Variants in NDUFB8 observed in about 807,000 individuals in gnomAD.
NDUFB8 encodes the protein NADH:ubiquinone oxidoreductase subunit B8, also known as NADH dehydrogenase [ubiquinone] 1 beta subcomplex subunit 8, mitochondrial.
NDUFB8 carries 17 observed loss-of-function variants against 26.0 expected under a neutral mutation model. The ratio of observed to expected loss-of-function variants is 0.65; its 90% CI spans 0.45 to 0.98. The LOEUF (loss-of-function observed/expected upper bound fraction) is 0.98. NDUFB8 is among the 50% of genes least tolerant of loss of function. NDUFB8 has a pLI of 0.00. For synonymous variants in NDUFB8, 89 were observed against 93.1 expected (o/e 0.96, Z 0.25); for missense variants, 238 against 255.0 (o/e 0.93, Z 0.45).
chr10:100,525,615 CGTGTGTGT>C (rs56705301), intron 4 of NDUFB8, among the ~76,000 whole-genome samples: 13,488 of 99,960 alleles, frequency 0.13, 1,449 homozygotes, highest in Admixed American at 0.22. Flanking sequence ...CCACCCAAAG[CGTGTGTGT>C]GTGTGTGTGT....
At position 100,526,379 on chromosome 10, in the gene NDUFB8, A is replaced by G; in HGVS notation, c.468+20T>C. 1 of 1,567,900 alleles carries G rather than the reference A, an allele frequency of 6.4e-7. No homozygotes were observed. Among genetic ancestry groups the G allele is most frequent in the Non-Finnish European group, 8.6e-7 (1 of 1,164,358 alleles). The stretch of plus-strand genomic sequence containing the variant: ...GGGGCTAAGCAAGCGTGCCTAAGGG[A>G]GCACTTCTCGGATACTCACCACAGG... On this transcript the variant is annotated intron_variant, in intron 4 of 4. Transcript: ENST00000299166.
At chr10:100,529,554 G>A (rs1236961735) in intron 1 of NDUFB8, 48 bp from the exon 2 acceptor site, 2 of 1,600,280 alleles carry the variant, frequency 1.2e-6, no homozygotes, top group Non-Finnish European at 1.7e-6. Context: ...CTCTCCAGCC[G>A]CTCCGAAGGC....
intron 2 of NDUFB8, chr10:100,529,125 G>A (rs1377538058): frequency 1.2e-5 from 4 of 324,040 alleles, no homozygotes; most frequent in Non-Finnish European, 2.3e-5. Context: ...CTATTCGGGG[G>A]TCCTCGAGGG....
chr10:100,527,151 A>AG, intron 2 of NDUFB8, 77 bp from the exon 3 acceptor site: 2 of 1,208,206 alleles, frequency 1.7e-6, no homozygotes, highest in East Asian at 2.4e-5. Flanking sequence ...CTTATAGATG[A>AG]GAAACAAAGT....
At chr10:100,529,318 A>C (rs1589747655) in intron 2 of NDUFB8, 62 bp downstream of exon 2, 1 of 1,475,292 alleles carries the variant, frequency 6.8e-7, no homozygotes, top group Non-Finnish European at 9.0e-7. Flanking sequence ...CAGTCAAGCC[A>C]CCCAACCCAG....
chr10:100,529,646 T>A lies in NDUFB8; in HGVS notation c.85+121A>T. The A allele has an allele frequency of 7.2e-6, 11 of 1,535,248 alleles. No individual in the cohort carries two copies. In the South Asian group the frequency reaches 1.3e-4, roughly 18 times the overall value. On this transcript the variant is annotated intron_variant, in intron 1 of 4. Transcript: ENST00000299166. ...TCCTCCACCCCATTTTCTGGATATA[T>A]CAACGCCACCTCCACTCCCTACCCG...
chr10:100,525,261 C>CT lies in NDUFB8; in HGVS notation c.468+1137dup, dbSNP rs889144101. 8.2e-3 allele frequency among the ~76,000 whole-genome samples: 1,191 copies of CT among 144,400 alleles called. 16 individuals are homozygous for CT. The highest frequency in any genetic ancestry group is 0.024 in the African/African-American group (963 of 39,542). The allele number at this position is 144,400 out of a possible 152,430, so 94.7% of individuals were successfully genotyped here. ...CACCCTCCTTTTCCTTCATTGTTTTCTTTTTTTTTTTTCGAGACAGAGTCT... is the reference window on the plus strand; with the variant it reads ...CACCCTCCTTTTCCTTCATTGTTTTCTTTTTTTTTTTTTCGAGACAGAGTCT... On this transcript the variant is annotated intron_variant, in intron 4 of 4. Coordinates refer to ENST00000299166, the MANE Select transcript of NDUFB8 (RefSeq NM_005004.4).
chr10:100,526,626 G>C, intron 3 of NDUFB8, 72 bp from the exon 4 acceptor site: 4 of 1,563,610 alleles, frequency 2.6e-6, no homozygotes, highest in East Asian at 4.5e-5. Flanking sequence ...CCAGTGATTA[G>C]AGCCTGATAC....
intron 4 of NDUFB8, 46 bp from the exon 5 acceptor site, chr10:100,523,975 A>T: frequency 6.2e-7 from 1 of 1,612,604 alleles, no homozygotes; most frequent in Non-Finnish European, 8.5e-7. Context: ...TTCAGTCAAT[A>T]CCTGGCTACA....
rs549864747 is a variant in NDUFB8 at position 100,527,209 on chromosome 10, G to C, written c.213-135C>G. The C allele has an allele frequency of 1.6e-4, 110 of 681,904 alleles. 2 individuals carry two copies. Among genetic ancestry groups the C allele is most frequent in the South Asian group, 1.5e-3 (86 of 57,292 alleles). 42.2% of individuals were successfully genotyped at this position (681,904 alleles called of 1,614,324 possible). On this transcript the variant is annotated intron_variant, in intron 2 of 4. Transcript: ENST00000299166. Reference sequence around the variant, plus strand: ...AAGGACAAAGGAACTAAACCTCAAGGCAAGAGCTCAAGTTCTAGTCACTAA... The same window carrying C: ...AAGGACAAAGGAACTAAACCTCAAGCCAAGAGCTCAAGTTCTAGTCACTAA...
chr10:100,527,669 A>T (rs987046958), intron 2 of NDUFB8, among the ~76,000 whole-genome samples: 5 of 152,338 alleles, frequency 3.3e-5, no homozygotes, highest in African/African-American at 1.2e-4. Context: ...AAAAAAAGTC[A>T]CACAATCGTG....
intron 2 of NDUFB8, 132 bp downstream of exon 2, chr10:100,529,248 A>G: frequency 8.5e-6 from 2 of 235,642 alleles, no homozygotes; most frequent in South Asian, 1.8e-4. Flanking sequence ...CCCTCCACAG[A>G]GAAAAGCACC....
rs938691212 is a variant in NDUFB8, at chr10:100,524,223, A to G, written c.469-294T>C. On this transcript the variant is annotated intron_variant, in intron 4 of 4. Transcript: ENST00000299166. The surrounding 1 kb of genome is among the most constrained non-coding windows in gnomAD (Gnocchi z 4.0). ...GGAAGACAGGGAGGGAGGTAAAGAA[A>G]GAGAGAAGAGTGTGTTAGAGTCAGA... 4.1e-6 allele frequency: 5 copies of G among 1,216,358 alleles called. No individual in the cohort carries two copies. The highest frequency in any genetic ancestry group is 5.9e-6 in the Non-Finnish European group (5 of 844,222). 75.3% of individuals were successfully genotyped at this position (1,216,358 alleles called of 1,614,324 possible).
At chr10:100,528,914 G>C (rs573315336) in intron 2 of NDUFB8, 1 of 152,858 alleles carries the variant, frequency 6.5e-6, no homozygotes, top group Admixed American at 6.5e-5. Flanking sequence ...TAGTTGCTAC[G>C]ATTTCCACAG....
Position 100,523,828 on chromosome 10 carries a change from G to A in NDUFB8, c.*9C>T, listed in dbSNP as rs748599424. 9 of 1,613,072 alleles carry A rather than the reference G, an allele frequency of 5.6e-6. No individual in the cohort carries two copies. The highest frequency in any genetic ancestry group is 1.1e-5 in the South Asian group (1 of 91,018). On this transcript the variant is annotated 3_prime_UTR_variant, in exon 5 of 5. Transcript: ENST00000299166. ...CTAGTTAGAGGACCCAAAAGCCCAC[G>A]AAGCCTCCTCAGATCTCATAGTGAA...
Position 100,529,781 on chromosome 10 carries a change from A to G in NDUFB8, c.71T>C (p.Leu24Pro). 6.2e-7 allele frequency: 1 copy of G among 1,613,520 alleles called. No homozygotes were observed. Among genetic ancestry groups the G allele is most frequent in the Non-Finnish European group, 8.5e-7 (1 of 1,179,872 alleles). The change falls in exon 1 of 5, where the codon CTG becomes CCG. Residue 24 changes from leucine to proline, a missense_variant. Transcript: ENST00000299166. ...LQRASRNVMP[L>P]GARTASHMTK... ...TTCTCGCGGACCTGTCCGTGCGCCC[A>G]GCGGCATCACGTTCCGGGATGCCCT... is the stretch of plus-strand genomic sequence containing the variant.
chr10:100,527,770 G>T lies in NDUFB8; in HGVS notation c.213-696C>A, dbSNP rs964786585. ...AATGACGGACAACATACACGAAGGG[G>T]GTCCCATAAGTTTATAATAAAGCTG... On this transcript the variant is annotated intron_variant, in intron 2 of 4. Coordinates refer to ENST00000299166, the MANE Select transcript of NDUFB8 (RefSeq NM_005004.4). Among the ~76,000 whole-genome samples the T allele has an allele frequency of 2.6e-5, 4 of 152,236 alleles. No individual in the cohort carries two copies. The South Asian group carries it at 8.3e-4, about 32-fold the overall frequency.
chr10:100,529,602 C>T, intron 1 of NDUFB8, 96 bp from the exon 2 acceptor site: 1 of 1,579,650 alleles, frequency 6.3e-7, no homozygotes, highest in Non-Finnish European at 8.6e-7. Flanking sequence ...GAGCCCGGGA[C>T]TTCGCAGGAT....
rs1261907379 is a variant in NDUFB8, at chr10:100,526,547, C to T, written c.320G>A (p.Trp107Ter). ...GTTCCTGTTGTACATGTCTAGGTGC[C>T]AGTGCATCTGAGGCAGAAAGACAAA... is the stretch of plus-strand genomic sequence containing the variant. ...LRLNWGEPMH[W>*]HLDMYNRNRV... is the part of the protein sequence containing the mutation. The change falls in exon 4 of 5, where the codon TGG becomes TAG. Residue 107 changes from tryptophan (W) to a stop codon, truncating the protein, a stop_gained. Transcript: ENST00000299166. LOFTEE classifies it high-confidence loss of function. 7 of 1,613,094 alleles carry T rather than the reference C, an allele frequency of 4.3e-6. No homozygotes were observed. The highest frequency in any genetic ancestry group is 5.9e-6 in the Non-Finnish European group (7 of 1,179,814).
Sources: gnomAD v4.1 joint callset for allele counts (sites outside exome capture counted in the v4.1 genomes callset) on GRCh38, gnomAD v4.1.1 for gene constraint, Gnocchi (gnomAD v3.1) non-coding constraint, MANE v1.5 for transcripts, NCBI Gene and HGNC (gene_info 2026-07-23, HGNC 2026-07-21) for gene names.